The following DMXL1 variants were observed in gnomAD, a reference collection of about 807,000 sequenced individuals.
DMXL1 encodes the protein dmX-like protein 1.
A neutral mutation model predicts 319.2 loss-of-function variants in DMXL1; 99 were observed. The observed-to-expected ratio is 0.31, with a 90% CI of 0.26 to 0.37. DMXL1 has a LOEUF of 0.37. Ranked by LOEUF, DMXL1 falls within the 10% of genes least tolerant of loss-of-function variation. DMXL1 has a pLI of 1.00. For synonymous variants in DMXL1, 1,385 were observed against 1,235.2 expected, an observed-to-expected ratio of 1.12 and a Z score of -2.54; for missense variants, 3,745 against 3,595.6, an observed-to-expected ratio of 1.04 and a Z score of -1.06.
In DMXL1 at chr5:119,120,979, G is replaced by A; in HGVS notation, c.942G>A (p.Leu314=). The A allele has an allele frequency of 6.2e-7, 1 of 1,607,690 alleles. No individual in the cohort carries two copies. The highest frequency in any genetic ancestry group is 1.1e-5 in the South Asian group (1 of 89,612). ...ERVQNALEVN[L]RHFRRGRRRS... is the part of the protein sequence containing the mutation. The stretch of plus-strand genomic sequence containing the variant: ...TGTTTCTATTCACACAGGTAAATCT[G>A]AGACATTTTCGTAGAGGTCGGAGGA... Residue 314 remains leucine, a synonymous_variant, in exon 9 of 44, where the codon CTG becomes CTA. Coordinates refer to ENST00000539542, the MANE Select transcript of DMXL1 (RefSeq NM_001290321.3).
rs191248929 is a variant in DMXL1 at position 119,248,328 on chromosome 5, T to A, written c.*1109T>A. The stretch of plus-strand genomic sequence containing the variant: ...AATAAACTAAACCTTATATTTTATT[T>A]TTGCCAAAATATTTTATTATAAAAT... On this transcript the variant is annotated 3_prime_UTR_variant, in exon 44 of 44. Coordinates refer to ENST00000539542, the MANE Select transcript of DMXL1 (RefSeq NM_001290321.3). 4.6e-4 allele frequency: 70 copies of A among 152,562 alleles called. No individual in the cohort carries two copies. The East Asian group carries it at 0.011, about 25-fold the overall frequency. The allele number at this position is 152,562 out of a possible 1,614,324, so 9.5% of individuals were successfully genotyped here. A position where few individuals can be genotyped will look rare whatever the true frequency, so the allele number is the denominator to read the frequency against.
chr5:119,225,696 A>G (rs1191636170), intron 38 of DMXL1, among the ~76,000 whole-genome samples: 1 of 152,164 alleles, frequency 6.6e-6, no homozygotes, highest in Non-Finnish European at 1.5e-5. Context: ...TGTACGAAAC[A>G]AGGCTCAAGA....
intron 34 of DMXL1, among the ~76,000 whole-genome samples, chr5:119,210,757 G>GTTTTTTTTTTTTTTTTTTTTTTCT: frequency 6.8e-4 from 61 of 89,756 alleles, no homozygotes; most frequent in Non-Finnish European, 9.5e-4. Context: ...TTTTTCTTTC[G>GTTTTTTTTTTTTTTTTTTTTTTCT]TTTTTTTTTT....
At chr5:119,072,294 C>T (rs1482910123) in intron 1 of DMXL1, among the ~76,000 whole-genome samples, 2 of 152,006 alleles carry the variant, frequency 1.3e-5, no homozygotes, top group African/African-American at 4.8e-5. Flanking sequence ...CACATATTGA[C>T]AAGAAGAGGG....
intron 26 of DMXL1, among the ~76,000 whole-genome samples, chr5:119,175,941 G>A (rs773304711): frequency 1.4e-4 from 22 of 151,850 alleles, no homozygotes; most frequent in Non-Finnish European, 2.5e-4. Flanking sequence ...TTCAAGTATT[G>A]TCTCATCTCT....
chr5:119,122,758 G>A (rs1488052406), intron 9 of DMXL1, among the ~76,000 whole-genome samples: 1 of 151,778 alleles, frequency 6.6e-6, no homozygotes, highest in Non-Finnish European at 1.5e-5. Context: ...TGGCCGGGAA[G>A]AGGCGCTCCT....
chr5:119,213,829 C>T (rs1014702828), intron 34 of DMXL1, among the ~76,000 whole-genome samples: 5 of 152,198 alleles, frequency 3.3e-5, no homozygotes, highest in African/African-American at 9.7e-5. Context: ...AATTATCTAT[C>T]TTCATATGAT....
intron 34 of DMXL1, among the ~76,000 whole-genome samples, chr5:119,215,410 T>C (rs900022837): frequency 6.6e-6 from 1 of 152,094 alleles, no homozygotes; most frequent in Admixed American, 6.5e-5. Flanking sequence ...TGGGTTCAAG[T>C]GATTCTCGTG....
At chr5:119,136,294 T>C (rs919657971) in intron 13 of DMXL1, among the ~76,000 whole-genome samples, 17 of 152,256 alleles carry the variant, frequency 1.1e-4, no homozygotes, top group African/African-American at 2.7e-4. Context: ...TTATTCTGAA[T>C]GCATTCAGTT....
chr5:119,166,707 T>C lies in DMXL1; in HGVS notation c.5062T>C (p.Leu1688=). Residue 1688 remains leucine (L), a synonymous_variant, in exon 22 of 44, where the codon TTG becomes CTG. Coordinates refer to ENST00000539542, the MANE Select transcript of DMXL1 (RefSeq NM_001290321.3). ...AGCAGCTTTAAAGAATGCTTTTTCT[T>C]TGCTAGGCAAACAAAGATTTGAACA... The part of the protein sequence containing the change: ...RKAALKNAFS[L]LGKQRFEHSA... 1 of 1,613,392 alleles carries C rather than the reference T, an allele frequency of 6.2e-7. No individual in the cohort carries two copies. Among genetic ancestry groups the C allele is most frequent in the Non-Finnish European group, 8.5e-7 (1 of 1,179,728 alleles).
intron 10 of DMXL1, among the ~76,000 whole-genome samples, chr5:119,129,732 A>G (rs571550398): frequency 6.6e-6 from 1 of 152,338 alleles, no homozygotes; most frequent in Non-Finnish European, 1.5e-5. Context: ...TGCATGTCTC[A>G]AGGTCCACAC....
chr5:119,184,983 C>T (rs1777443284), intron 28 of DMXL1, among the ~76,000 whole-genome samples: 1 of 152,084 alleles, frequency 6.6e-6, no homozygotes, highest in Admixed American at 6.5e-5. Context: ...AAGACATTAC[C>T]TTATCCATAA....
intron 9 of DMXL1, among the ~76,000 whole-genome samples, chr5:119,122,593 G>C (rs1312098984): frequency 2.7e-5 from 4 of 150,370 alleles, no homozygotes; most frequent in Admixed American, 6.6e-5. Context: ...TGACGGGTCG[G>C]TTGCCAGGCA....
chr5:119,131,571 T>C (rs1227211623), intron 10 of DMXL1, among the ~76,000 whole-genome samples: 1 of 152,222 alleles, frequency 6.6e-6, no homozygotes, highest in Non-Finnish European at 1.5e-5. Flanking sequence ...GTCCCAATTT[T>C]AGTTCCAATT....
At chr5:119,078,326 C>T (rs1043371276) in intron 1 of DMXL1, among the ~76,000 whole-genome samples, 4 of 152,090 alleles carry the variant, frequency 2.6e-5, no homozygotes, top group African/African-American at 9.7e-5. Flanking sequence ...TTAAGGAGAA[C>T]ATTGAAACTG....
chr5:119,135,978 G>A (rs751588107), intron 13 of DMXL1, among the ~76,000 whole-genome samples: 1 of 152,224 alleles, frequency 6.6e-6, no homozygotes, highest in East Asian at 1.9e-4. Context: ...GAATAGTTTG[G>A]AGGGCTCAGA....
chr5:119,156,438 G>A (rs1046075456), intron 19 of DMXL1, among the ~76,000 whole-genome samples: 1 of 152,124 alleles, frequency 6.6e-6, no homozygotes, highest in Non-Finnish European at 1.5e-5. Flanking sequence ...GTCTGAAATC[G>A]AACCCATGGT....
chr5:119,133,948 C>G lies in DMXL1; in HGVS notation c.2024C>G (p.Ala675Gly), dbSNP rs1765461411. ...DVDNPEQPFDALNIEECSLTQ... is the reference protein window; with the variant it reads ...DVDNPEQPFDGLNIEECSLTQ... The stretch of plus-strand genomic sequence containing the variant: ...GATAACCCAGAGCAACCTTTTGATG[C>G]TCTAAATATTGAAGAATGCTCTTTG... Residue 675 changes from alanine to glycine, a missense_variant, in exon 12 of 44, where the codon GCT becomes GGT. Transcript: ENST00000539542. The G allele has an allele frequency of 6.2e-7, 1 of 1,614,036 alleles. No homozygotes were observed. Among genetic ancestry groups the G allele is most frequent in the Non-Finnish European group, 8.5e-7 (1 of 1,180,028 alleles).
intron 17 of DMXL1, among the ~76,000 whole-genome samples, chr5:119,148,291 C>T (rs1409893676): frequency 6.6e-6 from 1 of 151,860 alleles, no homozygotes; most frequent in Non-Finnish European, 1.5e-5. Flanking sequence ...TGAGTGTTGA[C>T]AAATTTAAAA....
Sources: gnomAD v4.1 joint callset for allele counts (sites outside exome capture counted in the v4.1 genomes callset) on GRCh38, gnomAD v4.1.1 for gene constraint, MANE v1.5 for transcripts, NCBI Gene and HGNC (gene_info 2026-07-23, HGNC 2026-07-21) for gene names.